Variants in HS3ST3B1 observed in about 807,000 individuals in gnomAD.
HS3ST3B1 encodes heparan sulfate-glucosamine 3-sulfotransferase 3B1, also known as heparan sulfate glucosamine 3-O-sulfotransferase 3B1.
HS3ST3B1 carries 13 observed loss-of-function variants against 21.3 expected under a neutral mutation model. The ratio of observed to expected loss-of-function variants is 0.61; its 90% CI spans 0.40 to 0.97. HS3ST3B1 has a LOEUF of 0.97. Ranked by LOEUF, HS3ST3B1 falls within the 50% of genes least tolerant of loss-of-function variation. The pLI is 0.00. For synonymous variants in HS3ST3B1, 234 were observed against 254.8 expected (o/e 0.92, Z 0.78); for missense variants, 459 against 554.8 (o/e 0.83, Z 1.73).
In HS3ST3B1 at chr17:14,345,674, C is replaced by A; in HGVS notation, c.*28C>A. ...AGACCCGGGCTATGTACCTTACCCA[C>A]GTGGCTTATCTATTGACAGAGATTA... On this transcript the variant is annotated 3_prime_UTR_variant, in exon 2 of 2. Transcript: ENST00000360954. 4.4e-6 allele frequency: 7 copies of A among 1,599,238 alleles called. No homozygotes were observed. Among genetic ancestry groups the A allele is most frequent in the Non-Finnish European group, 6.0e-6 (7 of 1,170,310 alleles).
In HS3ST3B1 at chr17:14,334,848, A is replaced by T. The variant is rs965676588; in HGVS notation, c.555-10180A>T. Among the ~76,000 whole-genome samples the T allele has an allele frequency of 6.6e-5, 10 of 152,112 alleles. No homozygotes were observed. The East Asian group carries it at 1.9e-3, about 29-fold the overall frequency. ...TTTAGCTGCTGATGTTTGTCGGTTT[A>T]TCAGGCACTCAAAAAACTGCACTCT... is the stretch of plus-strand genomic sequence containing the variant. On this transcript the variant is annotated intron_variant, in intron 1 of 1. Transcript: ENST00000360954.
intron 1 of HS3ST3B1, among the ~76,000 whole-genome samples, chr17:14,340,405 A>G (rs1212359153): frequency 2.0e-5 from 3 of 151,674 alleles, no homozygotes; most frequent in South Asian, 4.2e-4. Context: ...GTTTCTATCC[A>G]CTGACCCCCA....
chr17:14,307,707 G>GT (rs765958362), intron 1 of HS3ST3B1, among the ~76,000 whole-genome samples: 2 of 152,174 alleles, frequency 1.3e-5, no homozygotes, highest in Non-Finnish European at 2.9e-5. Context: ...TATGTCAGTA[G>GT]TTTTTTGAAT....
chr17:14,335,564 G>A (rs189073773), intron 1 of HS3ST3B1, among the ~76,000 whole-genome samples: 11 of 151,964 alleles, frequency 7.2e-5, no homozygotes, highest in Admixed American at 1.3e-4. Context: ...GCATGGTGGC[G>A]ACACCTGTAA....
chr17:14,336,875 T>C (rs1306788290), intron 1 of HS3ST3B1, among the ~76,000 whole-genome samples: 5 of 152,184 alleles, frequency 3.3e-5, no homozygotes, highest in Non-Finnish European at 7.3e-5. Context: ...GAAAGGAGTT[T>C]ATTTCTTACA....
At position 14,323,820 on chromosome 17, in the gene HS3ST3B1, C is replaced by T. The variant is rs139833074; in HGVS notation, c.555-21208C>T. Among the ~76,000 whole-genome samples the T allele has an allele frequency of 3.9e-3, 594 of 152,252 alleles. 8 individuals are homozygous for T. Among genetic ancestry groups the T allele is most frequent in the African/African-American group, 0.013 (552 of 41,544 alleles). ...GTTTGAGCTTGATTAATCTCCAAAA[C>T]GTGCTAATGGGGCAATAGAGAGCTC... On this transcript the variant is annotated intron_variant, in intron 1 of 1. Transcript: ENST00000360954.
chr17:14,327,170 C>A (rs980706236), intron 1 of HS3ST3B1, among the ~76,000 whole-genome samples: 1 of 152,146 alleles, frequency 6.6e-6, no homozygotes, highest in Admixed American at 6.5e-5. Flanking sequence ...AAGTTGAATT[C>A]GAGTTTCCTT....
At chr17:14,323,878 C>T (rs1909729866) in intron 1 of HS3ST3B1, among the ~76,000 whole-genome samples, 2 of 152,146 alleles carry the variant, frequency 1.3e-5, no homozygotes, top group East Asian at 3.9e-4. Flanking sequence ...TGGTGTTTGC[C>T]TGTGAGCTTA....
chr17:14,320,475 G>A (rs28441393), intron 1 of HS3ST3B1, among the ~76,000 whole-genome samples: 7,257 of 152,192 alleles, frequency 0.048, 312 homozygotes, highest in African/African-American at 0.12. Context: ...GAGGGGAGTC[G>A]AGGATGTTTG....
Position 14,301,462 on chromosome 17 carries a change from C to G in HS3ST3B1, c.-57C>G. On this transcript the variant is annotated 5_prime_UTR_variant, in exon 1 of 2. Transcript: ENST00000360954. ...GGGAACCCTCTCTGCGCTCACTGCCCGGCGGGACCCACGCCATGTGCTGAG... is the reference window on the plus strand; with the variant it reads ...GGGAACCCTCTCTGCGCTCACTGCCGGGCGGGACCCACGCCATGTGCTGAG... 1 of 1,371,324 alleles carries G rather than the reference C, an allele frequency of 7.3e-7. No individual in the cohort carries two copies. Among genetic ancestry groups the G allele is most frequent in the Non-Finnish European group, 9.4e-7 (1 of 1,060,262 alleles). The allele number at this position is 1,371,324 out of a possible 1,614,324, so 84.9% of individuals were successfully genotyped here.
At chr17:14,309,387 C>T (rs1468188568) in intron 1 of HS3ST3B1, among the ~76,000 whole-genome samples, 1 of 152,212 alleles carries the variant, frequency 6.6e-6, no homozygotes, top group Non-Finnish European at 1.5e-5. Flanking sequence ...TGACCAGCCT[C>T]GCCGTCCGGC....
At chr17:14,302,634 C>T (rs926118424) in intron 1 of HS3ST3B1, among the ~76,000 whole-genome samples, 1 of 152,042 alleles carries the variant, frequency 6.6e-6, no homozygotes, top group Non-Finnish European at 1.5e-5. Flanking sequence ...AGACCCGCCT[C>T]GCTCGCGAGC....
Position 14,301,743 on chromosome 17 carries a change from A to G in HS3ST3B1, c.225A>G (p.Pro75=). 1 of 1,596,948 alleles carries G rather than the reference A, an allele frequency of 6.3e-7. No homozygotes were observed. The highest frequency in any genetic ancestry group is 8.5e-7 in the Non-Finnish European group (1 of 1,173,354). Residue 75 remains proline (P), a synonymous_variant, in exon 1 of 2, where the codon CCA becomes CCG. Transcript: ENST00000360954. The part of the protein sequence containing the change: ...GSGSRAAHDP[P]ALATAPDGTP... ...GGTCCCGCGCCGCACACGACCCGCC[A>G]GCCCTGGCCACAGCTCCGGACGGGA... is the stretch of plus-strand genomic sequence containing the variant.
At chr17:14,315,353 C>T (rs555772620) in intron 1 of HS3ST3B1, among the ~76,000 whole-genome samples, 24 of 152,316 alleles carry the variant, frequency 1.6e-4, no homozygotes, top group South Asian at 2.1e-4. Context: ...ATTAGCAACA[C>T]GCACACTGGC....
rs1597605679 is a variant in HS3ST3B1, at chr17:14,345,330, A to C, written c.857A>C (p.His286Pro). 2 of 1,084,954 alleles carry C rather than the reference A, an allele frequency of 1.8e-6. No homozygotes were observed. Among genetic ancestry groups the C allele is most frequent in the Non-Finnish European group, 2.7e-6 (2 of 747,592 alleles). 67.2% of individuals were successfully genotyped at this position (1,084,954 alleles called of 1,614,324 possible). A position where few individuals can be genotyped will look rare whatever the true frequency, so the allele number is the denominator to read the frequency against. Residue 286 changes from histidine to proline, a missense_variant, in exon 2 of 2, where the codon CAC (histidine) becomes CCC (proline). Coordinates refer to ENST00000360954, the MANE Select transcript of HS3ST3B1 (RefSeq NM_006041.3). ...AAGCACCTGGAGCACTGGCTGCGCC[A>C]CTTCCCCATCCGCCAGATGCTCTTC... ...YAKHLEHWLR[H>P]FPIRQMLFVS...
intron 1 of HS3ST3B1, among the ~76,000 whole-genome samples, chr17:14,321,311 C>T (rs1909651530): frequency 6.6e-6 from 1 of 152,168 alleles, no homozygotes; most frequent in Non-Finnish European, 1.5e-5. Flanking sequence ...TCTGGCTCCT[C>T]GGCTCAGTGG....
At chr17:14,310,918 AG>A (rs1909285964) in intron 1 of HS3ST3B1, among the ~76,000 whole-genome samples, 1 of 152,214 alleles carries the variant, frequency 6.6e-6, no homozygotes, top group Non-Finnish European at 1.5e-5. Context: ...GGGTGTGGGA[AG>A]GGATGAGGTA....
chr17:14,306,013 G>T (rs150188644), intron 1 of HS3ST3B1, among the ~76,000 whole-genome samples: 1,559 of 152,208 alleles, frequency 0.01, 29 homozygotes, highest in African/African-American at 0.035. Context: ...GACCATTCTG[G>T]ATCACACTTC....
intron 1 of HS3ST3B1, among the ~76,000 whole-genome samples, chr17:14,312,996 C>T (rs1909358618): frequency 6.6e-6 from 1 of 150,382 alleles, no homozygotes; most frequent in African/African-American, 2.5e-5. Context: ...CCTCTGCCAC[C>T]TGGGTTCAAG....
Sources: gnomAD v4.1 joint callset for allele counts (sites outside exome capture counted in the v4.1 genomes callset) on GRCh38, gnomAD v4.1.1 for gene constraint, MANE v1.5 for transcripts, NCBI Gene and HGNC (gene_info 2026-07-23, HGNC 2026-07-21) for gene names.